Variants in B3GALT1 observed in about 807,000 individuals in gnomAD.
The protein encoded by B3GALT1 is beta-1,3-galactosyltransferase 1.
Under a neutral mutation model 23.2 loss-of-function variants are expected in B3GALT1, and 10 were observed. The ratio of observed to expected loss-of-function variants is 0.43; its 90% CI spans 0.27 to 0.73. B3GALT1 has a LOEUF of 0.73. Ranked by LOEUF, B3GALT1 falls within the 30% of genes least tolerant of loss-of-function variation. The probability of loss-of-function intolerance (pLI) is 0.21; values close to 1 mark genes in which losing one functional copy is unlikely to be tolerated. For synonymous variants in B3GALT1, 156 were observed against 141.5 expected, an observed-to-expected ratio of 1.10 and a Z score of -0.73; for missense variants, 299 against 405.4, an observed-to-expected ratio of 0.74 and a Z score of 2.25.
chr2:167,661,232 G>T (rs923021116), intron 3 of B3GALT1, among the ~76,000 whole-genome samples: 1 of 152,038 alleles, frequency 6.6e-6, no homozygotes, highest in African/African-American at 2.4e-5. Context: ...GTGAAATCTT[G>T]TTAGTATTTT....
intron 1 of B3GALT1, among the ~76,000 whole-genome samples, chr2:167,339,539 GTTTA>G (rs557047663): frequency 2.3e-4 from 35 of 152,168 alleles, no homozygotes; most frequent in East Asian, 1.2e-3. Context: ...ACTTGAAGTA[GTTTA>G]TTTATTAAGT....
intron 3 of B3GALT1, among the ~76,000 whole-genome samples, chr2:167,811,342 A>G (rs531377698): frequency 2.0e-4 from 31 of 152,340 alleles, no homozygotes; most frequent in African/African-American, 7.2e-4. Context: ...TTATCTCACA[A>G]CTTAGCCAAG....
chr2:167,321,167 T>C (rs1455508127), intron 1 of B3GALT1, among the ~76,000 whole-genome samples: 3 of 151,980 alleles, frequency 2.0e-5, no homozygotes, highest in African/African-American at 7.2e-5. Context: ...CCCCCCAATC[T>C]ATTAATATTT....
intron 1 of B3GALT1, among the ~76,000 whole-genome samples, chr2:167,435,373 A>G (rs1205308181): frequency 6.7e-6 from 1 of 149,770 alleles, no homozygotes; most frequent in Non-Finnish European, 1.5e-5. Flanking sequence ...AATAACACCT[A>G]AAATAGGAAA....
intron 2 of B3GALT1, among the ~76,000 whole-genome samples, chr2:167,492,516 A>G (rs1053933930): frequency 5.3e-5 from 8 of 152,178 alleles, no homozygotes; most frequent in Non-Finnish European, 1.2e-4. Context: ...GACTGGATCC[A>G]GTGGTAAGAC....
intron 2 of B3GALT1, among the ~76,000 whole-genome samples, chr2:167,625,458 G>A (rs935515299): frequency 2.0e-5 from 3 of 151,718 alleles, no homozygotes; most frequent in Admixed American, 6.6e-5. Context: ...ATACAAACAG[G>A]TATGTGTCCT....
At chr2:167,590,292 G>T (rs1036419942) in intron 2 of B3GALT1, among the ~76,000 whole-genome samples, 1 of 149,184 alleles carries the variant, frequency 6.7e-6, no homozygotes, top group Non-Finnish European at 1.5e-5. Flanking sequence ...CTTGCAGTGC[G>T]CTGAGATCGT....
chr2:167,673,401 T>G (rs1686366869), intron 3 of B3GALT1, among the ~76,000 whole-genome samples: 1 of 152,070 alleles, frequency 6.6e-6, no homozygotes, highest in Admixed American at 6.5e-5. Flanking sequence ...AGAAAATAAT[T>G]AGGTCTTGAA....
chr2:167,336,025 A>G (rs1214575191), intron 1 of B3GALT1, among the ~76,000 whole-genome samples: 11 of 151,802 alleles, frequency 7.2e-5, no homozygotes, highest in Non-Finnish European at 1.5e-4. Context: ...AAAAAACGAT[A>G]TTTTGCATGC....
intron 4 of B3GALT1, among the ~76,000 whole-genome samples, 26 bp from the exon 5 acceptor site, chr2:167,868,785 A>G (rs188588409): frequency 1.3e-3 from 197 of 152,258 alleles, no homozygotes; most frequent in African/African-American, 4.4e-3. Flanking sequence ...AATCTAAGTG[A>G]CAACTGTACT....
intron 1 of B3GALT1, among the ~76,000 whole-genome samples, chr2:167,340,847 A>T (rs1297623248): frequency 6.6e-6 from 1 of 152,216 alleles, no homozygotes; most frequent in Non-Finnish European, 1.5e-5. Context: ...GAAATTGATA[A>T]TGTAAAGAAA....
chr2:167,378,982 G>T (rs1000063779), intron 1 of B3GALT1, among the ~76,000 whole-genome samples: 1 of 152,086 alleles, frequency 6.6e-6, no homozygotes, highest in African/African-American at 2.4e-5. Flanking sequence ...ATGTAGACAG[G>T]ATTTTTTTCT....
intron 2 of B3GALT1, among the ~76,000 whole-genome samples, chr2:167,522,173 C>G (rs1169057087): frequency 6.6e-6 from 1 of 151,804 alleles, no homozygotes; most frequent in Non-Finnish European, 1.5e-5. Flanking sequence ...GGCAACCTAA[C>G]TTTTATGAGA....
intron 4 of B3GALT1, among the ~76,000 whole-genome samples, chr2:167,849,016 C>T (rs568728299): frequency 6.6e-6 from 1 of 152,222 alleles, no homozygotes; most frequent in Admixed American, 6.5e-5. Flanking sequence ...AGGAATACAC[C>T]TAACCAAGGA....
chr2:167,382,524 C>T (rs1410603275), intron 1 of B3GALT1, among the ~76,000 whole-genome samples: 1 of 152,016 alleles, frequency 6.6e-6, no homozygotes, highest in East Asian at 1.9e-4. Flanking sequence ...TTATCAAGCA[C>T]CCCCTTATGA....
chr2:167,804,134 T>A (rs1688697748), intron 3 of B3GALT1, among the ~76,000 whole-genome samples: 1 of 151,904 alleles, frequency 6.6e-6, no homozygotes, highest in African/African-American at 2.4e-5. Flanking sequence ...GGATTACAGG[T>A]GGGCACCACC....
At chr2:167,350,570 C>A (rs1697294427) in intron 1 of B3GALT1, among the ~76,000 whole-genome samples, 1 of 152,134 alleles carries the variant, frequency 6.6e-6, no homozygotes, top group South Asian at 2.1e-4. Flanking sequence ...TCTAGTACAC[C>A]CCTGTTCCCT....
intron 2 of B3GALT1, among the ~76,000 whole-genome samples, chr2:167,522,232 T>C (rs941248720): frequency 6.6e-6 from 1 of 151,956 alleles, no homozygotes; most frequent in African/African-American, 2.4e-5. Context: ...CTCAGCCTAC[T>C]GGAGGCTGCG....
chr2:167,763,713 C>T (rs1197553003), intron 3 of B3GALT1, among the ~76,000 whole-genome samples: 1 of 130,980 alleles, frequency 7.6e-6, no homozygotes, highest in South Asian at 2.5e-4. Flanking sequence ...AAAAAAAAAC[C>T]TCTAGGAAAC....
Sources: gnomAD v4.1 joint callset for allele counts (sites outside exome capture counted in the v4.1 genomes callset) on GRCh38, gnomAD v4.1.1 for gene constraint, MANE v1.5 for transcripts, NCBI Gene and HGNC (gene_info 2026-07-23, HGNC 2026-07-21) for gene names.